CACNB2: variants seen among roughly 807,000 people sequenced by gnomAD.
CACNB2 encodes the protein calcium voltage-gated channel auxiliary subunit beta 2.
A neutral mutation model predicts 73.3 loss-of-function variants in CACNB2; 42 were observed. The ratio of observed to expected loss-of-function variants is 0.57; its 90% CI spans 0.45 to 0.74. The LOEUF (loss-of-function observed/expected upper bound fraction) is 0.74. Among genes scored for constraint, CACNB2 ranks in the 30% least tolerant of loss-of-function variants. CACNB2 has a pLI of 0.00. For synonymous variants in CACNB2, 348 were observed against 310.3 expected, an observed-to-expected ratio of 1.12 and a Z score of -1.28; for missense variants, 940 against 853.0, an observed-to-expected ratio of 1.10 and a Z score of -1.27.
chr10:18,465,682 C>CTTT (rs1264310420), intron 3 of CACNB2, among the ~76,000 whole-genome samples: 3 of 138,380 alleles, frequency 2.2e-5, no homozygotes, highest in Non-Finnish European at 3.1e-5. Flanking sequence ...CCAACTTCTT[C>CTTT]TTTTTTTTTT....
chr10:18,520,998 T>A (rs1400609113), intron 9 of CACNB2, among the ~76,000 whole-genome samples: 1 of 152,254 alleles, frequency 6.6e-6, no homozygotes, highest in Non-Finnish European at 1.5e-5. Flanking sequence ...GGTTTGAGAA[T>A]GTTTTGTGAA....
intron 2 of CACNB2, among the ~76,000 whole-genome samples, chr10:18,160,160 G>A (rs2068357): frequency 0.041 from 6,241 of 151,760 alleles, 419 homozygotes; most frequent in African/African-American, 0.14. Context: ...AACATGTCTC[G>A]TTGAACATAA....
At chr10:18,528,775 T>C (rs1424260333) in intron 10 of CACNB2, among the ~76,000 whole-genome samples, 1 of 152,204 alleles carries the variant, frequency 6.6e-6, no homozygotes, top group Non-Finnish European at 1.5e-5. Flanking sequence ...TTCCTTTTTA[T>C]GTCCTTATCA....
chr10:18,170,920 A>G (rs1222386362), intron 2 of CACNB2, among the ~76,000 whole-genome samples: 1 of 152,218 alleles, frequency 6.6e-6, no homozygotes, highest in African/African-American at 2.4e-5. Flanking sequence ...TATATTTTTT[A>G]AAGTAATGAT....
At chr10:18,387,360 T>C (rs971670813) in intron 2 of CACNB2, among the ~76,000 whole-genome samples, 8 of 152,196 alleles carry the variant, frequency 5.3e-5, no homozygotes, top group African/African-American at 1.9e-4. Flanking sequence ...TGTTTTGTGT[T>C]ACAGCCTCTG....
At chr10:18,492,214 A>G (rs1014989348) in intron 3 of CACNB2, among the ~76,000 whole-genome samples, 9 of 152,312 alleles carry the variant, frequency 5.9e-5, no homozygotes, top group South Asian at 2.1e-4. Flanking sequence ...CTATGATCCA[A>G]TCACCTCCTA....
intron 2 of CACNB2, among the ~76,000 whole-genome samples, chr10:18,226,115 C>T (rs897382149): frequency 3.3e-5 from 5 of 152,024 alleles, no homozygotes; most frequent in South Asian, 2.1e-4. Flanking sequence ...CAACCTCCGC[C>T]TCCTGGGCTG....
chr10:18,167,820 T>C (rs1235411335), intron 2 of CACNB2, among the ~76,000 whole-genome samples: 1 of 152,244 alleles, frequency 6.6e-6, no homozygotes, highest in African/African-American at 2.4e-5. Flanking sequence ...TCCAGGTAAG[T>C]GTAAATGCAG....
At chr10:18,283,738 C>T (rs1317351868) in intron 2 of CACNB2, among the ~76,000 whole-genome samples, 2 of 151,882 alleles carry the variant, frequency 1.3e-5, no homozygotes, top group African/African-American at 2.4e-5. Context: ...TTAATGGGTG[C>T]AGCACACCAA....
At chr10:18,179,167 T>C (rs2033751729) in intron 2 of CACNB2, among the ~76,000 whole-genome samples, 1 of 152,240 alleles carries the variant, frequency 6.6e-6, no homozygotes, top group Non-Finnish European at 1.5e-5. Flanking sequence ...TTAATTTTTT[T>C]CTACTTTTTT....
chr10:18,300,638 C>T (rs1393388342), intron 2 of CACNB2, among the ~76,000 whole-genome samples: 1 of 152,124 alleles, frequency 6.6e-6, no homozygotes, highest in Non-Finnish European at 1.5e-5. Flanking sequence ...ATCACGAGGT[C>T]AGGAGTTCAA....
intron 1 of CACNB2, among the ~76,000 whole-genome samples, chr10:18,149,026 A>G (rs2131020510): frequency 6.8e-6 from 1 of 147,768 alleles, no homozygotes; most frequent in South Asian, 2.1e-4. Context: ...AAAAAATGGG[A>G]TGAGATTATA....
At chr10:18,527,748 T>G (rs373277485) in intron 10 of CACNB2, 51 bp downstream of exon 10, 148 of 1,137,718 alleles carry the variant, frequency 1.3e-4, no homozygotes, top group Admixed American at 2.2e-4. Context: ...CTCCCGATGT[T>G]GATGATGAGA....
chr10:18,406,111 C>T lies in CACNB2; in HGVS notation c.333+4068C>T, dbSNP rs375621599. 5.3e-5 allele frequency among the ~76,000 whole-genome samples: 8 copies of T among 152,302 alleles called. No homozygotes were observed. In the South Asian group the frequency reaches 1.0e-3, roughly 20 times the overall value. ...CCCAGTTGGTGAATAGGAGAGACTG[C>T]AAGGCCGGAGCCACAAAGAAGAAAT... On this transcript the variant is annotated intron_variant, in intron 3 of 13. Coordinates refer to ENST00000324631, the MANE Select transcript of CACNB2 (RefSeq NM_201596.3).
At chr10:18,294,641 T>C (rs1159512483) in intron 2 of CACNB2, among the ~76,000 whole-genome samples, 1 of 152,188 alleles carries the variant, frequency 6.6e-6, no homozygotes, top group Non-Finnish European at 1.5e-5. Context: ...AGCAGAGACT[T>C]GAAGAAGGTA....
At chr10:18,420,472 C>T (rs1212444111) in intron 3 of CACNB2, among the ~76,000 whole-genome samples, 1 of 152,034 alleles carries the variant, frequency 6.6e-6, no homozygotes, top group Non-Finnish European at 1.5e-5. Flanking sequence ...AATTCCAGCT[C>T]CAAGAGCAGA....
intron 2 of CACNB2, among the ~76,000 whole-genome samples, chr10:18,384,200 C>T (rs141793199): frequency 1.1e-4 from 16 of 152,216 alleles, no homozygotes; most frequent in African/African-American, 3.4e-4. Context: ...CATATGGTGT[C>T]TTGGCCATAT....
chr10:18,526,799 G>C (rs2052512173), intron 9 of CACNB2, among the ~76,000 whole-genome samples: 1 of 152,036 alleles, frequency 6.6e-6, no homozygotes, highest in Admixed American at 6.6e-5. Flanking sequence ...TTAGCTATCT[G>C]AGGGAAGACT....
intron 3 of CACNB2, among the ~76,000 whole-genome samples, chr10:18,454,221 G>A (rs1341656936): frequency 6.6e-6 from 1 of 152,148 alleles, no homozygotes; most frequent in African/African-American, 2.4e-5. Context: ...CAAATACTCA[G>A]GAATTAGAGA....
Sources: gnomAD v4.1 joint callset for allele counts (sites outside exome capture counted in the v4.1 genomes callset) on GRCh38, gnomAD v4.1.1 for gene constraint, MANE v1.5 for transcripts, NCBI Gene and HGNC (gene_info 2026-07-23, HGNC 2026-07-21) for gene names.